Variants in ZBTB16 observed in about 807,000 individuals in gnomAD.
The protein encoded by ZBTB16 is zinc finger and BTB domain-containing protein 16.
ZBTB16 carries 8 observed loss-of-function variants against 56.8 expected under a neutral mutation model. The ratio of observed to expected loss-of-function variants is 0.14; its 90% CI spans 0.08 to 0.25. The LOEUF (loss-of-function observed/expected upper bound fraction) is 0.25. Ranked by LOEUF, ZBTB16 falls within the 10% of genes least tolerant of loss-of-function variation. The pLI, the probability that ZBTB16 is intolerant of heterozygous loss-of-function variation, is 1.00. For synonymous variants in ZBTB16, 363 were observed against 368.5 expected (o/e 0.98, Z 0.17); for missense variants, 625 against 903.0 (o/e 0.69, Z 3.95).
intron 4 of ZBTB16, among the ~76,000 whole-genome samples, chr11:114,229,448 C>T (rs1038027971): frequency 3.3e-5 from 5 of 152,220 alleles, no homozygotes; most frequent in African/African-American, 7.2e-5. Flanking sequence ...TTAAAGGGGA[C>T]GTGTCTCTTT....
intron 2 of ZBTB16, among the ~76,000 whole-genome samples, chr11:114,146,675 C>T (rs188713095): frequency 2.0e-5 from 3 of 151,666 alleles, no homozygotes; most frequent in East Asian, 1.9e-4. Flanking sequence ...GTGAAACCCC[C>T]GCTCTACTAA....
At chr11:114,233,081 G>GCGCACACACACACA (rs1250341636) in intron 4 of ZBTB16, among the ~76,000 whole-genome samples, 3 of 87,478 alleles carry the variant, frequency 3.4e-5, no homozygotes, top group Admixed American at 2.2e-4. Flanking sequence ...GCGCGCGCGC[G>GCGCACACACACACA]CACACACACA....
At chr11:114,162,532 A>T (rs1234043175) in intron 3 of ZBTB16, among the ~76,000 whole-genome samples, 1 of 152,172 alleles carries the variant, frequency 6.6e-6, no homozygotes, top group Non-Finnish European at 1.5e-5. Flanking sequence ...TGCTCAGAGC[A>T]AGAGACTTGG....
At chr11:114,160,969 C>T (rs1942572949) in intron 3 of ZBTB16, among the ~76,000 whole-genome samples, 1 of 152,128 alleles carries the variant, frequency 6.6e-6, no homozygotes, top group African/African-American at 2.4e-5. Flanking sequence ...GTGGCCCTTC[C>T]CCTTCCTGTG....
At chr11:114,119,197 A>C (rs997683790) in intron 2 of ZBTB16, among the ~76,000 whole-genome samples, 2 of 138,754 alleles carry the variant, frequency 1.4e-5, no homozygotes, top group East Asian at 4.8e-4. Flanking sequence ...CCTGAGAGGC[A>C]GAGGTTGCAG....
chr11:114,062,218 C>A (rs973644577), intron 1 of ZBTB16, among the ~76,000 whole-genome samples: 1 of 152,108 alleles, frequency 6.6e-6, no homozygotes, highest in Non-Finnish European at 1.5e-5. Context: ...ATTCTCCTGC[C>A]TCAGCCTCCC....
At chr11:114,173,403 G>T (rs1943021888) in intron 3 of ZBTB16, among the ~76,000 whole-genome samples, 2 of 152,156 alleles carry the variant, frequency 1.3e-5, no homozygotes. Flanking sequence ...TGGGGATGGT[G>T]GGTGTTGTGA....
intron 2 of ZBTB16, among the ~76,000 whole-genome samples, chr11:114,125,793 G>T (rs1168857465): frequency 6.6e-6 from 1 of 152,046 alleles, no homozygotes; most frequent in Non-Finnish European, 1.5e-5. Context: ...TTTCGTTTCA[G>T]ACAGCTAGAG....
At chr11:114,185,402 G>A (rs1451291698) in intron 3 of ZBTB16, among the ~76,000 whole-genome samples, 1 of 152,246 alleles carries the variant, frequency 6.6e-6, no homozygotes, top group East Asian at 1.9e-4. Flanking sequence ...ACTCTGGGAA[G>A]GTAAGTGGTG....
rs530141457 is a variant in ZBTB16, at chr11:114,118,041, G to T, written c.1269-38296G>T. On this transcript the variant is annotated intron_variant, in intron 2 of 6. Transcript: ENST00000335953. ...TGACTCTGTGAAATTTTAATCCTTG[G>T]GTGTAGAGGCACAACTGACTTAATC... 1.2e-4 allele frequency among the ~76,000 whole-genome samples: 19 copies of T among 152,218 alleles called. No homozygotes were observed. In the East Asian group the frequency reaches 3.5e-3, roughly 28 times the overall value.
intron 2 of ZBTB16, among the ~76,000 whole-genome samples, chr11:114,102,251 A>T (rs896712008): frequency 2.6e-5 from 4 of 152,116 alleles, no homozygotes; most frequent in Non-Finnish European, 5.9e-5. Flanking sequence ...CAAATGCTTT[A>T]GGAAGGCTTT....
At chr11:114,099,275 C>T (rs1940525028) in intron 2 of ZBTB16, among the ~76,000 whole-genome samples, 1 of 152,138 alleles carries the variant, frequency 6.6e-6, no homozygotes, top group Non-Finnish European at 1.5e-5. Context: ...AGTGGTCTTA[C>T]AGCCTGTGAT....
At position 114,107,230 on chromosome 11, in the gene ZBTB16, C is replaced by T. The variant is rs146206136; in HGVS notation, c.1268+42662C>T. ...AGGGTCATAGCCAGAATGAGATCCA[C>T]TTCCTAGGTGCATGGGAGGTATAAG... On this transcript the variant is annotated intron_variant, in intron 2 of 6. Transcript: ENST00000335953. Among the ~76,000 whole-genome samples the T allele has an allele frequency of 1.9e-3, 294 of 152,302 alleles. 1 individual carries two copies. Among genetic ancestry groups the T allele is most frequent in the African/African-American group, 6.9e-3 (287 of 41,564 alleles).
rs766295680 is a variant in ZBTB16, at chr11:114,233,115, ACACACACACACTCT to A, written c.1454-9050_1454-9037del. 6.0e-3 allele frequency among the ~76,000 whole-genome samples: 336 copies of A among 55,996 alleles called. 15 individuals are homozygous for A. In the Middle Eastern group the frequency reaches 0.064, roughly 11 times the overall value. The allele number at this position is 55,996 out of a possible 152,430, so 36.7% of individuals were successfully genotyped here. On this transcript the variant is annotated intron_variant, in intron 4 of 6. Transcript: ENST00000335953. ...CACACACACACACACACACACACACACACACACACACTCTCTCTCTCTCACACTCCCTTTCCTTC... is the reference window on the plus strand; with the variant it reads ...CACACACACACACACACACACACACACTCTCTCTCACACTCCCTTTCCTTC...
chr11:114,206,091 A>C (rs969298797), intron 4 of ZBTB16, among the ~76,000 whole-genome samples: 1 of 152,178 alleles, frequency 6.6e-6, no homozygotes, highest in African/African-American at 2.4e-5. Context: ...GCTGCTACTC[A>C]GAAAGAGGAC....
chr11:114,202,757 G>A (rs866020160), intron 4 of ZBTB16, among the ~76,000 whole-genome samples: 39 of 152,322 alleles, frequency 2.6e-4, no homozygotes, highest in Admixed American at 7.8e-4. Context: ...GAGCCCCGGG[G>A]TGAGGGGGCA....
At chr11:114,138,836 A>G (rs1176880875) in intron 2 of ZBTB16, among the ~76,000 whole-genome samples, 1 of 151,922 alleles carries the variant, frequency 6.6e-6, no homozygotes, top group Non-Finnish European at 1.5e-5. Flanking sequence ...GATTACAGGC[A>G]TGCACCACCA....
intron 4 of ZBTB16, among the ~76,000 whole-genome samples, chr11:114,223,632 G>A (rs1026533533): frequency 1.3e-5 from 2 of 152,212 alleles, no homozygotes; most frequent in African/African-American, 2.4e-5. Flanking sequence ...GAATACAGTG[G>A]TGAGCAAATC....
chr11:114,127,887 T>C (rs1365145176), intron 2 of ZBTB16, among the ~76,000 whole-genome samples: 1 of 152,100 alleles, frequency 6.6e-6, no homozygotes, highest in Non-Finnish European at 1.5e-5. Context: ...GCACCTAAGC[T>C]CAGCACATGT....
Sources: allele counts gnomAD v4.1 joint callset (sites outside exome capture counted in the v4.1 genomes callset), GRCh38; gene constraint gnomAD v4.1.1; transcripts MANE v1.5; gene names NCBI Gene and HGNC (gene_info 2026-07-23, HGNC 2026-07-21).